The following ELL2 variants were observed in gnomAD, a reference collection of about 807,000 sequenced individuals.
ELL2 encodes the protein RNA polymerase II elongation factor ELL2.
ELL2 carries 21 observed loss-of-function variants against 72.8 expected under a neutral mutation model. The observed-to-expected ratio is 0.29, with a 90% CI of 0.20 to 0.42. ELL2 has a LOEUF of 0.42. ELL2 is among the 10% of genes least tolerant of loss of function. The pLI, the probability that ELL2 is intolerant of heterozygous loss-of-function variation, is 1.00. For synonymous variants in ELL2, 266 were observed against 283.2 expected, an observed-to-expected ratio of 0.94 and a Z score of 0.61; for missense variants, 568 against 772.8, an observed-to-expected ratio of 0.73 and a Z score of 3.14.
At chr5:95,953,656 C>CA (rs1168535734) in intron 1 of ELL2, among the ~76,000 whole-genome samples, 1 of 150,510 alleles carries the variant, frequency 6.6e-6, no homozygotes, top group Non-Finnish European at 1.5e-5. Context: ...GTATGTATAG[C>CA]AAAAGTTTTA....
chr5:95,920,665 T>A (rs1246659804), intron 2 of ELL2, among the ~76,000 whole-genome samples: 3 of 152,034 alleles, frequency 2.0e-5, no homozygotes, highest in African/African-American at 7.2e-5. Flanking sequence ...AAAAGGTGTG[T>A]GCAATTGGAA....
intron 1 of ELL2, among the ~76,000 whole-genome samples, chr5:95,956,775 T>C (rs1226827555): frequency 6.6e-6 from 1 of 152,174 alleles, no homozygotes; most frequent in Non-Finnish European, 1.5e-5. Flanking sequence ...AAGTAACACA[T>C]TGAAGGGAGC....
chr5:95,954,403 C>CTTT (rs996595214), intron 1 of ELL2, among the ~76,000 whole-genome samples: 6 of 122,466 alleles, frequency 4.9e-5, no homozygotes, highest in Non-Finnish European at 7.0e-5. Flanking sequence ...TTAAATTATT[C>CTTT]TTTTTTTTTT....
chr5:95,940,746 G>GA (rs1440712437), intron 2 of ELL2, among the ~76,000 whole-genome samples: 1 of 151,912 alleles, frequency 6.6e-6, no homozygotes, highest in Non-Finnish European at 1.5e-5. Flanking sequence ...TTTCACATAG[G>GA]AAAAAAATCT....
At chr5:95,961,441 C>A in intron 1 of ELL2, 134 bp downstream of exon 1, 1 of 1,165,492 alleles carries the variant, frequency 8.6e-7, no homozygotes, top group Non-Finnish European at 1.1e-6. Flanking sequence ...CCGGCCCTGC[C>A]CTGCCTGGCC....
At chr5:95,907,296 A>ATATATATTTTTTTTTTTTTTTT in intron 4 of ELL2, among the ~76,000 whole-genome samples, 1 of 116,522 alleles carries the variant, frequency 8.6e-6, no homozygotes, top group African/African-American at 4.1e-5. Context: ...ATATATATAT[A>ATATATATTTTTTTTTTTTTTTT]TTTTTTTTTT....
At chr5:95,942,839 G>A (rs1751018347) in intron 2 of ELL2, 163 bp downstream of exon 2, 1 of 396,316 alleles carries the variant, frequency 2.5e-6, no homozygotes, top group African/African-American at 2.1e-5. Context: ...AATAAAATAA[G>A]ATAATTCAAG....
At position 95,928,255 on chromosome 5, in the gene ELL2, A is replaced by G. The variant is rs190779959; in HGVS notation, c.196-8710T>C. Among the ~76,000 whole-genome samples the G allele has an allele frequency of 3.9e-5, 6 of 152,336 alleles. No homozygotes were observed. The East Asian group carries it at 1.2e-3, about 29-fold the overall frequency. On this transcript the variant is annotated intron_variant, in intron 2 of 11. Transcript: ENST00000237853. Reference sequence around the variant, plus strand: ...CCAAAGTGGTTTTGGAAGAGAAGTGAGACAGCCATCGAGAAAATCTAAATA... The same window carrying G: ...CCAAAGTGGTTTTGGAAGAGAAGTGGGACAGCCATCGAGAAAATCTAAATA...
At chr5:95,908,701 G>A (rs537167856) in intron 4 of ELL2, among the ~76,000 whole-genome samples, 49 of 152,094 alleles carry the variant, frequency 3.2e-4, no homozygotes, top group Non-Finnish European at 6.0e-4. Flanking sequence ...TTGCAACAGC[G>A]TTAACAAACA....
rs1749155828 is a variant in ELL2 at position 95,901,872 on chromosome 5, T to A, written c.742-792A>T. Among the ~76,000 whole-genome samples, 5 of 152,322 alleles carry A rather than the reference T, an allele frequency of 3.3e-5. No individual in the cohort carries two copies. In the South Asian group the frequency reaches 8.3e-4, roughly 25 times the overall value. ...ATGTAAAGCTAAACAAAGGGATGATTCACATCCTGGGCGGGACAGAGCAGG... is the reference window on the plus strand; with the variant it reads ...ATGTAAAGCTAAACAAAGGGATGATACACATCCTGGGCGGGACAGAGCAGG... On this transcript the variant is annotated intron_variant, in intron 5 of 11. Coordinates refer to ENST00000237853, the MANE Select transcript of ELL2 (RefSeq NM_012081.6).
intron 1 of ELL2, among the ~76,000 whole-genome samples, chr5:95,955,921 T>C (rs1453548840): frequency 6.6e-6 from 1 of 151,964 alleles, no homozygotes; most frequent in Non-Finnish European, 1.5e-5. Context: ...CATCACAAAT[T>C]GTTAAAAGTG....
chr5:95,938,663 A>G (rs1275937957), intron 2 of ELL2, among the ~76,000 whole-genome samples: 2 of 152,150 alleles, frequency 1.3e-5, no homozygotes, highest in African/African-American at 2.4e-5. Context: ...TCAAGGCTGC[A>G]GTAAGCTATG....
At chr5:95,916,989 G>A (rs538163954) in intron 3 of ELL2, among the ~76,000 whole-genome samples, 50 of 152,264 alleles carry the variant, frequency 3.3e-4, no homozygotes, top group Non-Finnish European at 6.6e-4. Flanking sequence ...CAAAACAAAC[G>A]GAGCTAAACG....
chr5:95,916,748 G>GAA (rs35336485), intron 3 of ELL2, among the ~76,000 whole-genome samples: 2 of 143,426 alleles, frequency 1.4e-5, no homozygotes. Flanking sequence ...CATGCCAAAG[G>GAA]AAAAAAAAAA....
chr5:95,939,845 C>A (rs1487012896), intron 2 of ELL2, among the ~76,000 whole-genome samples: 1 of 152,156 alleles, frequency 6.6e-6, no homozygotes, highest in East Asian at 1.9e-4. Flanking sequence ...CATTATACCC[C>A]TCTGAATGTT....
Position 95,891,097 on chromosome 5 carries a change from A to AT in ELL2, c.1761+5dup. On this transcript the variant is annotated splice_donor_region_variant and intron_variant, in intron 10 of 11. Coordinates refer to ENST00000237853, the MANE Select transcript of ELL2 (RefSeq NM_012081.6). Reference sequence around the variant, plus strand: ...AGTCAGCCCATCTAGTTACAAATCCATTTACCTGATACTCTTTTGAGCCTG... The same window carrying AT: ...AGTCAGCCCATCTAGTTACAAATCCATTTTACCTGATACTCTTTTGAGCCTG... 6.2e-7 allele frequency: 1 copy of AT among 1,614,044 alleles called. No homozygotes were observed. The highest frequency in any genetic ancestry group is 1.3e-5 in the African/African-American group (1 of 75,000).
At chr5:95,898,091 GAA>G (rs61457748) in intron 8 of ELL2, 147 bp downstream of exon 8, 7,488 of 436,464 alleles carry the variant, frequency 0.017, 1 homozygote, top group East Asian at 0.046. Flanking sequence ...GCTGTAAAAT[GAA>G]AAAAAAAAAA....
rs926044699 is a variant in ELL2, at chr5:95,885,553, T to C, written c.*3318A>G. ...AAAGGCAGTGGACTGGCTAACGAGT[T>C]TCTGCCAAGTTTCAGAAGCAAAGAA... On this transcript the variant is annotated 3_prime_UTR_variant, in exon 12 of 12. Transcript: ENST00000237853. 6.6e-6 allele frequency: 1 copy of C among 152,216 alleles called. No homozygotes were observed. Among genetic ancestry groups the C allele is most frequent in the Non-Finnish European group, 1.5e-5 (1 of 68,038 alleles). 9.4% of individuals were successfully genotyped at this position (152,216 alleles called of 1,614,324 possible).
At chr5:95,950,210 T>C (rs1751322268) in intron 1 of ELL2, among the ~76,000 whole-genome samples, 1 of 152,220 alleles carries the variant, frequency 6.6e-6, no homozygotes, top group African/African-American at 2.4e-5. Context: ...TTCCCTGGGA[T>C]GCAACTTGGA....
Sources: gnomAD v4.1 joint callset for allele counts (sites outside exome capture counted in the v4.1 genomes callset) on GRCh38, gnomAD v4.1.1 for gene constraint, MANE v1.5 for transcripts, NCBI Gene and HGNC (gene_info 2026-07-23, HGNC 2026-07-21) for gene names.